NSMCE2: variants seen among roughly 807,000 people sequenced by gnomAD.
The protein encoded by NSMCE2 is E3 SUMO-protein ligase NSE2.
A neutral mutation model predicts 23.8 loss-of-function variants in NSMCE2; 24 were observed. The ratio of observed to expected loss-of-function variants is 1.01; its 90% CI spans 0.73 to 1.42. The LOEUF (loss-of-function observed/expected upper bound fraction) is 1.42. Among genes scored for constraint, NSMCE2 ranks in the 40% most tolerant of loss-of-function variants. The pLI, the probability that NSMCE2 is intolerant of heterozygous loss-of-function variation, is 0.00. For synonymous variants in NSMCE2, 92 were observed against 94.1 expected, an observed-to-expected ratio of 0.98 and a Z score of 0.13; for missense variants, 284 against 296.5, an observed-to-expected ratio of 0.96 and a Z score of 0.31.
intron 5 of NSMCE2, among the ~76,000 whole-genome samples, chr8:125,331,686 CATTG>C (rs746396874): frequency 7.9e-5 from 12 of 152,084 alleles, no homozygotes; most frequent in Non-Finnish European, 1.5e-4. Flanking sequence ...AATCAGACCA[CATTG>C]TTAGAAGTTA....
intron 4 of NSMCE2, among the ~76,000 whole-genome samples, chr8:125,172,051 C>T (rs954043229): frequency 7.9e-5 from 12 of 152,208 alleles, no homozygotes; most frequent in African/African-American, 2.9e-4. Flanking sequence ...ATTTAATACT[C>T]AAAGGTTAAG....
At chr8:125,147,077 C>A (rs970619478) in intron 3 of NSMCE2, among the ~76,000 whole-genome samples, 1 of 152,192 alleles carries the variant, frequency 6.6e-6, no homozygotes, top group Non-Finnish European at 1.5e-5. Flanking sequence ...TTCCCTAATG[C>A]CAGACTTGCA....
chr8:125,243,382 T>A (rs1825831770), intron 5 of NSMCE2, among the ~76,000 whole-genome samples: 1 of 152,140 alleles, frequency 6.6e-6, no homozygotes, highest in Admixed American at 6.6e-5. Flanking sequence ...TTAAAGGGCC[T>A]TAAGCTGAAA....
At chr8:125,194,463 A>G (rs1823512835) in intron 5 of NSMCE2, among the ~76,000 whole-genome samples, 1 of 152,170 alleles carries the variant, frequency 6.6e-6, no homozygotes, top group African/African-American at 2.4e-5. Context: ...ATCTCATCGC[A>G]TGGATATACC....
chr8:125,122,046 T>G (rs546751679), intron 3 of NSMCE2, among the ~76,000 whole-genome samples: 3 of 152,078 alleles, frequency 2.0e-5, no homozygotes, highest in Non-Finnish European at 2.9e-5. Flanking sequence ...CTGTGCTCAG[T>G]GTAGATAGCT....
chr8:125,180,633 T>A (rs1822759287), intron 4 of NSMCE2, among the ~76,000 whole-genome samples: 1 of 152,234 alleles, frequency 6.6e-6, no homozygotes, highest in Non-Finnish European at 1.5e-5. Context: ...TGTATCTAAC[T>A]TGTAGTCTTA....
intron 5 of NSMCE2, among the ~76,000 whole-genome samples, chr8:125,263,419 C>T (rs1826783106): frequency 6.6e-6 from 1 of 152,046 alleles, no homozygotes; most frequent in Admixed American, 6.6e-5. Context: ...GTTAATTTTA[C>T]TGCTGGATCC....
Position 125,228,819 on chromosome 8 carries a change from C to T in NSMCE2, c.418+46563C>T, listed in dbSNP as rs1825205837. ...AAGCTCCTTCTCATAAGTAGCTTAG[C>T]TCATTGAATTCACGTTACAATCCTG... On this transcript the variant is annotated intron_variant, in intron 5 of 7. Transcript: ENST00000287437. 2.6e-5 allele frequency among the ~76,000 whole-genome samples: 4 copies of T among 152,228 alleles called. No homozygotes were observed. In the South Asian group the frequency reaches 8.3e-4, roughly 32 times the overall value.
rs112488451 is a variant in NSMCE2 at position 125,161,914 on chromosome 8, G to A, written c.264+10637G>A. On this transcript the variant is annotated intron_variant, in intron 4 of 7. Coordinates refer to ENST00000287437, the MANE Select transcript of NSMCE2 (RefSeq NM_173685.4). ...CCTTACCCTTGGCTGATACCTGCAA[G>A]GTCTCACATGCTTCTCTGCCTGCCT... Among the ~76,000 whole-genome samples, 453 of 152,230 alleles carry A rather than the reference G, an allele frequency of 3.0e-3. 2 individuals are homozygous for A. The highest frequency in any genetic ancestry group is 0.01 in the African/African-American group (427 of 41,528).
chr8:125,294,212 T>C (rs1462783082), intron 5 of NSMCE2, among the ~76,000 whole-genome samples: 8 of 152,242 alleles, frequency 5.3e-5, no homozygotes, highest in Non-Finnish European at 1.0e-4. Context: ...CTTCAGTTGA[T>C]GGTCATCTGG....
chr8:125,307,390 T>C (rs1828808423), intron 5 of NSMCE2, among the ~76,000 whole-genome samples: 1 of 152,224 alleles, frequency 6.6e-6, no homozygotes, highest in Non-Finnish European at 1.5e-5. Flanking sequence ...TGTTTCATAA[T>C]GTGTTGTCAG....
intron 5 of NSMCE2, among the ~76,000 whole-genome samples, chr8:125,204,760 A>T (rs1347597792): frequency 1.3e-5 from 2 of 152,152 alleles, no homozygotes; most frequent in Admixed American, 6.5e-5. Context: ...GTCTAGTCCC[A>T]TTCCTAAAAA....
rs113815942 is a variant in NSMCE2, at chr8:125,366,123, G to T, written c.627-645G>T. On this transcript the variant is annotated intron_variant, in intron 7 of 7. Transcript: ENST00000287437. ...GCATGCCCTGAGTCCAGCCAGTGAA[G>T]CTGTGGCCCCAGCACTCTCTCTCCC... Among the ~76,000 whole-genome samples the T allele has an allele frequency of 2.9e-3, 437 of 152,280 alleles. 4 individuals carry two copies. The highest frequency in any genetic ancestry group is 0.01 in the African/African-American group (426 of 41,552).
At chr8:125,306,494 A>G (rs562841309) in intron 5 of NSMCE2, among the ~76,000 whole-genome samples, 4 of 152,206 alleles carry the variant, frequency 2.6e-5, no homozygotes, top group African/African-American at 7.2e-5. Context: ...CAGTGAAGAG[A>G]TATGATGCAG....
chr8:125,365,740 C>T (rs1359794330), intron 7 of NSMCE2, among the ~76,000 whole-genome samples: 2 of 152,062 alleles, frequency 1.3e-5, no homozygotes, highest in Admixed American at 1.3e-4. Flanking sequence ...GCCTGTAATC[C>T]CAGCTACTCA....
At chr8:125,104,014 G>T (rs72720533) in intron 3 of NSMCE2, among the ~76,000 whole-genome samples, 10,976 of 148,052 alleles carry the variant, frequency 0.074, 499 homozygotes, top group South Asian at 0.16. Context: ...TTTTCAGCCG[G>T]AATTTTGCTC....
chr8:125,166,152 G>C (rs1317884585), intron 4 of NSMCE2, among the ~76,000 whole-genome samples: 2 of 152,128 alleles, frequency 1.3e-5, no homozygotes, highest in Non-Finnish European at 2.9e-5. Flanking sequence ...TATTAGAAAA[G>C]TCATGGCACT....
chr8:125,339,608 TA>T (rs1830168529), intron 5 of NSMCE2, among the ~76,000 whole-genome samples: 1 of 152,194 alleles, frequency 6.6e-6, no homozygotes, highest in Non-Finnish European at 1.5e-5. Flanking sequence ...TACATATCAT[TA>T]GAATTGCTGC....
At chr8:125,292,902 T>C (rs1828166861) in intron 5 of NSMCE2, among the ~76,000 whole-genome samples, 1 of 151,906 alleles carries the variant, frequency 6.6e-6, no homozygotes, top group Non-Finnish European at 1.5e-5. Context: ...CATGAACGAG[T>C]TTCAAATGTT....
Sources: allele counts gnomAD v4.1 joint callset (sites outside exome capture counted in the v4.1 genomes callset), GRCh38; gene constraint gnomAD v4.1.1; transcripts MANE v1.5; gene names NCBI Gene and HGNC (gene_info 2026-07-23, HGNC 2026-07-21).